The following ADCY8 variants were observed in gnomAD, a reference collection of about 807,000 sequenced individuals.
ADCY8 encodes the protein adenylate cyclase type 8.
Under a neutral mutation model 119.7 loss-of-function variants are expected in ADCY8, and 51 were observed. The ratio of observed to expected loss-of-function variants is 0.43; its 90% CI spans 0.34 to 0.54. ADCY8 has a LOEUF of 0.54. Ranked by LOEUF, ADCY8 falls within the 20% of genes least tolerant of loss-of-function variation. The pLI is 0.03. For synonymous variants in ADCY8, 665 were observed against 651.0 expected (o/e 1.02, Z -0.33); for missense variants, 1,383 against 1,598.8 (o/e 0.87, Z 2.30).
At chr8:130,987,067 A>C (rs972480504) in intron 2 of ADCY8, among the ~76,000 whole-genome samples, 1 of 152,172 alleles carries the variant, frequency 6.6e-6, no homozygotes, top group African/African-American at 2.4e-5. Flanking sequence ...CTCTCTCTCT[A>C]CAGAATGAAT....
chr8:130,969,758 A>C (rs1287921534), intron 2 of ADCY8, among the ~76,000 whole-genome samples: 1 of 152,176 alleles, frequency 6.6e-6, no homozygotes, highest in Admixed American at 6.5e-5. Context: ...GATGTGGACA[A>C]AGGTGGAAGA....
At chr8:130,856,270 T>G (rs527524493) in intron 9 of ADCY8, among the ~76,000 whole-genome samples, 2 of 151,964 alleles carry the variant, frequency 1.3e-5, no homozygotes, top group South Asian at 4.1e-4. Flanking sequence ...CAGCTAATTG[T>G]CTTTTAGCCC....
chr8:130,885,663 C>CA (rs59553335), intron 7 of ADCY8, among the ~76,000 whole-genome samples: 82,878 of 149,038 alleles, frequency 0.56, 23,042 homozygotes, highest in East Asian at 0.67. Context: ...GACCAAAAAA[C>CA]AAAAAAAAAA....
At chr8:131,001,370 A>T (rs1822941165) in intron 1 of ADCY8, among the ~76,000 whole-genome samples, 1 of 151,978 alleles carries the variant, frequency 6.6e-6, no homozygotes, top group African/African-American at 2.4e-5. Context: ...AGCTTTTGTC[A>T]TCAGAGACCT....
intron 5 of ADCY8, among the ~76,000 whole-genome samples, chr8:130,921,449 C>CTTTTTTTTTTTTT (rs35570520): frequency 4.6e-5 from 5 of 107,630 alleles, no homozygotes; most frequent in Admixed American, 9.3e-5. Flanking sequence ...TTTTTCTTTT[C>CTTTTTTTTTTTTT]TTTTTTTTTT....
In ADCY8 at chr8:130,985,532, C is replaced by A. The variant is rs1258565533; in HGVS notation, c.1110+4861G>T. Among the ~76,000 whole-genome samples the A allele has an allele frequency of 5.9e-5, 9 of 152,024 alleles. 1 individual carries two copies. Among genetic ancestry groups the A allele is most frequent in the African/African-American group, 2.2e-4 (9 of 41,382 alleles). On this transcript the variant is annotated intron_variant, in intron 2 of 17. Transcript: ENST00000286355. ...AGGAATGAAGAATAACAGAAAATGA[C>A]TTGGAAGTAAGAGGTTTTTGGAGTA...
Position 131,014,819 on chromosome 8 carries a change from T to C in ADCY8, c.961-24277A>G, listed in dbSNP as rs868258396. 5.3e-5 allele frequency among the ~76,000 whole-genome samples: 8 copies of C among 152,238 alleles called. No homozygotes were observed. The South Asian group carries it at 1.4e-3, about 28-fold the overall frequency. ...ATAATTACATAGACCCCTTGGCATA[T>C]AATAGCACTTAATACTATTAGCTGT... On this transcript the variant is annotated intron_variant, in intron 1 of 17. Coordinates refer to ENST00000286355, the MANE Select transcript of ADCY8 (RefSeq NM_001115.3).
chr8:130,857,810 C>T (rs1021138426), intron 9 of ADCY8, among the ~76,000 whole-genome samples: 5 of 152,276 alleles, frequency 3.3e-5, no homozygotes, highest in Non-Finnish European at 5.9e-5. Context: ...ATATTTCCCT[C>T]ACTTACTATT....
chr8:131,022,658 A>G (rs1452698936), intron 1 of ADCY8, among the ~76,000 whole-genome samples: 1 of 152,210 alleles, frequency 6.6e-6, no homozygotes, highest in African/African-American at 2.4e-5. Context: ...CCGGCCAGGT[A>G]AAAGAATGAA....
intron 5 of ADCY8, among the ~76,000 whole-genome samples, chr8:130,926,570 CT>C (rs1283307986): frequency 1.3e-5 from 2 of 152,022 alleles, no homozygotes; most frequent in African/African-American, 4.8e-5. Flanking sequence ...CATGTATTAC[CT>C]CACAGTTATC....
At chr8:130,938,739 TC>T (rs1332851274) in intron 4 of ADCY8, among the ~76,000 whole-genome samples, 1 of 152,218 alleles carries the variant, frequency 6.6e-6, no homozygotes, top group Non-Finnish European at 1.5e-5. Flanking sequence ...TCTGGTACTT[TC>T]CCGTCAGATT....
intron 1 of ADCY8, among the ~76,000 whole-genome samples, chr8:131,004,541 G>T (rs1264050059): frequency 6.6e-6 from 1 of 152,070 alleles, no homozygotes; most frequent in African/African-American, 2.4e-5. Flanking sequence ...CTTAAATGTT[G>T]GTGATCAGGC....
chr8:130,928,629 C>T (rs1820541527), intron 5 of ADCY8, among the ~76,000 whole-genome samples: 1 of 152,274 alleles, frequency 6.6e-6, no homozygotes, highest in South Asian at 2.1e-4. Context: ...CCTACTTGAG[C>T]ATGGTGAATG....
chr8:130,971,127 T>C (rs910367014), intron 2 of ADCY8, among the ~76,000 whole-genome samples: 2 of 152,196 alleles, frequency 1.3e-5, no homozygotes, highest in African/African-American at 4.8e-5. Flanking sequence ...AGGAGCCCAA[T>C]AAACCCTTGC....
At chr8:131,016,826 A>G (rs573874527) in intron 1 of ADCY8, among the ~76,000 whole-genome samples, 30 of 152,254 alleles carry the variant, frequency 2.0e-4, no homozygotes, top group African/African-American at 7.2e-4. Flanking sequence ...TTTGGAGCAG[A>G]GGACAGGCCT....
intron 1 of ADCY8, among the ~76,000 whole-genome samples, chr8:131,011,054 T>C (rs529537291): frequency 6.6e-6 from 1 of 151,990 alleles, no homozygotes; most frequent in Non-Finnish European, 1.5e-5. Flanking sequence ...GATGTAGAAG[T>C]GAGCAAAAGA....
intron 13 of ADCY8, among the ~76,000 whole-genome samples, chr8:130,817,922 G>A (rs1265035962): frequency 6.6e-6 from 1 of 152,122 alleles, no homozygotes; most frequent in East Asian, 1.9e-4. Context: ...GAATATAGGC[G>A]ATTATCATAA....
intron 7 of ADCY8, among the ~76,000 whole-genome samples, chr8:130,901,130 A>C (rs949749456): frequency 6.6e-6 from 1 of 152,106 alleles, no homozygotes; most frequent in Non-Finnish European, 1.5e-5. Flanking sequence ...GTATTGTTCT[A>C]ATTGTGGGCT....
intron 5 of ADCY8, among the ~76,000 whole-genome samples, chr8:130,911,021 T>A (rs908343758): frequency 2.6e-5 from 4 of 152,196 alleles, no homozygotes; most frequent in African/African-American, 9.6e-5. Context: ...TTCATTTGTC[T>A]TTGACAGAAG....
Sources: allele counts gnomAD v4.1 joint callset (sites outside exome capture counted in the v4.1 genomes callset), GRCh38; gene constraint gnomAD v4.1.1; transcripts MANE v1.5; gene names NCBI Gene and HGNC (gene_info 2026-07-23, HGNC 2026-07-21).